The following GPC6 variants were observed in gnomAD, a reference collection of about 807,000 sequenced individuals.
GPC6 encodes the protein glypican 6, also known as glypican-6.
GPC6 carries 14 observed loss-of-function variants against 55.2 expected under a neutral mutation model. That is an observed-to-expected ratio of 0.25 (90% CI 0.17 to 0.40). The LOEUF (loss-of-function observed/expected upper bound fraction) is 0.40. GPC6 is among the 10% of genes least tolerant of loss of function. The pLI, the probability that GPC6 is intolerant of heterozygous loss-of-function variation, is 1.00. For missense variants in GPC6, 641 were observed against 708.5 expected, an observed-to-expected ratio of 0.90 and a Z score of 1.08; for synonymous variants, 278 against 259.6, an observed-to-expected ratio of 1.07 and a Z score of -0.68.
chr13:94,171,753 A>G (rs528874835), intron 4 of GPC6, among the ~76,000 whole-genome samples: 1 of 152,312 alleles, frequency 6.6e-6, no homozygotes, highest in East Asian at 1.9e-4. Flanking sequence ...TTTTCATGGC[A>G]TGTAGCTGCA....
intron 1 of GPC6, among the ~76,000 whole-genome samples, chr13:93,265,424 C>T (rs936485309): frequency 1.3e-5 from 2 of 152,190 alleles, no homozygotes; most frequent in African/African-American, 4.8e-5. Context: ...ACACATGGCA[C>T]ATTGGATTTC....
chr13:93,744,666 G>A (rs896884554), intron 2 of GPC6, among the ~76,000 whole-genome samples: 47 of 150,958 alleles, frequency 3.1e-4, no homozygotes, highest in Admixed American at 1.5e-3. Flanking sequence ...TCGGCCAGGC[G>A]TGGTGGCTCA....
intron 4 of GPC6, among the ~76,000 whole-genome samples, chr13:94,049,248 CAA>C (rs776241623): frequency 8.7e-5 from 12 of 138,258 alleles, no homozygotes; most frequent in African/African-American, 1.1e-4. Flanking sequence ...GATCTTATCT[CAA>C]AAAAAAAAAA....
At chr13:93,866,380 A>G (rs1446723700) in intron 3 of GPC6, among the ~76,000 whole-genome samples, 1 of 151,714 alleles carries the variant, frequency 6.6e-6, no homozygotes, top group Non-Finnish European at 1.5e-5. Flanking sequence ...TTATAATAGA[A>G]TGTTTTATAT....
At chr13:93,494,549 A>T (rs1880174510) in intron 1 of GPC6, among the ~76,000 whole-genome samples, 1 of 152,122 alleles carries the variant, frequency 6.6e-6, no homozygotes, top group Admixed American at 6.5e-5. Context: ...GTTATGTGGG[A>T]ATTTGATCCT....
chr13:93,843,921 C>T (rs919661667), intron 3 of GPC6, among the ~76,000 whole-genome samples: 4 of 152,016 alleles, frequency 2.6e-5, no homozygotes, highest in Admixed American at 6.6e-5. Context: ...AAAGTGTAAT[C>T]CAAATAAGCC....
intron 2 of GPC6, among the ~76,000 whole-genome samples, chr13:93,737,919 A>G (rs1230477664): frequency 1.3e-5 from 2 of 152,126 alleles, no homozygotes; most frequent in African/African-American, 4.8e-5. Context: ...ACTCGGAATT[A>G]TGCAGCCTTA....
intron 4 of GPC6, among the ~76,000 whole-genome samples, chr13:94,280,234 G>C (rs950392716): frequency 6.6e-6 from 1 of 152,124 alleles, no homozygotes; most frequent in Non-Finnish European, 1.5e-5. Flanking sequence ...TTGGTTTAAA[G>C]CCTGTTTTTT....
chr13:93,906,241 C>T (rs1876660450), intron 3 of GPC6, among the ~76,000 whole-genome samples: 1 of 152,062 alleles, frequency 6.6e-6, no homozygotes, highest in South Asian at 2.1e-4. Flanking sequence ...CTCAGTTCAC[C>T]TACTAAAAAT....
At chr13:93,659,762 A>G (rs1053558252) in intron 2 of GPC6, among the ~76,000 whole-genome samples, 2 of 152,078 alleles carry the variant, frequency 1.3e-5, no homozygotes, top group Non-Finnish European at 2.9e-5. Flanking sequence ...TAACCTGTGT[A>G]TTAACAAAGT....
chr13:93,921,214 C>T (rs985270775), intron 3 of GPC6, among the ~76,000 whole-genome samples: 1 of 152,160 alleles, frequency 6.6e-6, no homozygotes, highest in South Asian at 2.1e-4. Context: ...GATGAACATA[C>T]AGACAGACAG....
Position 93,227,593 on chromosome 13 carries a change from A to C in GPC6, c.137A>C (p.Asp46Ala), listed in dbSNP as rs200104006. ...AYGAKGFSLA[D>A]IPYQEIAGEH... is the part of the protein sequence containing the mutation. The stretch of plus-strand genomic sequence containing the variant: ...GGTGCCAAGGGATTCAGCCTGGCGG[A>C]CATCCCCTACCAGGAGATCGCAGGT... Residue 46 changes from aspartate to alanine, a missense_variant, in exon 1 of 9, where the codon GAC becomes GCC. By Grantham distance (126) the Asp-to-Ala change is moderately radical. Transcript: ENST00000377047. This position sits in a 1 kb window ranked among gnomAD's most constrained non-coding sequence, Gnocchi z 4.3. 3 of 1,608,234 alleles carry C rather than the reference A, an allele frequency of 1.9e-6. No homozygotes were observed. The highest frequency in any genetic ancestry group is 1.3e-5 in the African/African-American group (1 of 74,972).
At chr13:94,266,967 C>T (rs543800237) in intron 4 of GPC6, among the ~76,000 whole-genome samples, 13 of 152,250 alleles carry the variant, frequency 8.5e-5, no homozygotes, top group African/African-American at 1.2e-4. Flanking sequence ...CTGACCCATA[C>T]GTTTTTAGTC....
Position 93,320,845 on chromosome 13 carries a change from G to A in GPC6, c.160+93229G>A, listed in dbSNP as rs138178142. ...CCGGTGTTCAACAAATCTTCATGGC[G>A]GAGTACAGAGTGATTTTTAAGACAG... On this transcript the variant is annotated intron_variant, in intron 1 of 8. Transcript: ENST00000377047. Among the ~76,000 whole-genome samples the A allele has an allele frequency of 2.3e-3, 350 of 152,160 alleles. 2 individuals are homozygous for A. The highest frequency in any genetic ancestry group is 0.01 in the Middle Eastern group (3 of 294).
At chr13:93,822,790 G>A (rs1057479392) in intron 2 of GPC6, among the ~76,000 whole-genome samples, 1 of 150,610 alleles carries the variant, frequency 6.6e-6, no homozygotes, top group Non-Finnish European at 1.5e-5. Flanking sequence ...CTTTTTTATG[G>A]ATCCATAGTA....
At position 93,855,070 on chromosome 13, in the gene GPC6, C is replaced by T. The variant is rs557485355; in HGVS notation, c.711+24525C>T. ...GACCATAGTTTACATTAGGTTCACT[C>T]TTGTGTTGTACATTTTGTAGGTTTG... On this transcript the variant is annotated intron_variant, in intron 3 of 8. Transcript: ENST00000377047. 1.7e-3 allele frequency among the ~76,000 whole-genome samples: 255 copies of T among 151,760 alleles called. 4 individuals are homozygous for T. Among genetic ancestry groups the T allele is most frequent in the Non-Finnish European group, 3.7e-4 (25 of 67,756 alleles).
intron 7 of GPC6, among the ~76,000 whole-genome samples, chr13:94,384,572 G>A (rs547159453): frequency 6.6e-6 from 1 of 152,316 alleles, no homozygotes; most frequent in African/African-American, 2.4e-5. Context: ...GGCCATGGGC[G>A]AAGTTAGGGG....
intron 4 of GPC6, among the ~76,000 whole-genome samples, chr13:94,161,540 C>T (rs944648891): frequency 2.0e-5 from 3 of 152,172 alleles, no homozygotes; most frequent in African/African-American, 7.2e-5. Context: ...CATTCACTTT[C>T]CTGAGCACCT....
In GPC6 at chr13:93,547,153, A is replaced by T. The variant is rs1874835248; in HGVS notation, c.319+1732A>T. Among the ~76,000 whole-genome samples, 3 of 140,004 alleles carry T rather than the reference A, an allele frequency of 2.1e-5. No individual in the cohort carries two copies. The Admixed American group carries it at 2.2e-4, about 10-fold the overall frequency. The allele number at this position is 140,004 out of a possible 152,430, so 91.8% of individuals were successfully genotyped here. On this transcript the variant is annotated intron_variant, in intron 2 of 8. Transcript: ENST00000377047. ...AGGCCATCCTGGCCAACGTGGTGAA[A>T]CCCCATCTCTACTAAAAATACAAAA... is the stretch of plus-strand genomic sequence containing the variant.
Sources: allele counts gnomAD v4.1 joint callset (sites outside exome capture counted in the v4.1 genomes callset), GRCh38; gene constraint gnomAD v4.1.1; non-coding constraint Gnocchi (gnomAD v3.1); transcripts MANE v1.5; gene names NCBI Gene and HGNC (gene_info 2026-07-23, HGNC 2026-07-21).